KCNC4: variants seen among roughly 807,000 people sequenced by gnomAD.
The protein encoded by KCNC4 is voltage-gated potassium channel KCNC4.
Under a neutral mutation model 42.8 loss-of-function variants are expected in KCNC4, and 23 were observed. That is an observed-to-expected ratio of 0.54 (90% confidence interval 0.39 to 0.76). The LOEUF (loss-of-function observed/expected upper bound fraction) is 0.76. Ranked by LOEUF, KCNC4 falls within the 30% of genes least tolerant of loss-of-function variation. KCNC4 has a pLI of 0.00. For synonymous variants in KCNC4, 422 were observed against 393.5 expected, an observed-to-expected ratio of 1.07 and a Z score of -0.86; for missense variants, 751 against 898.2, an observed-to-expected ratio of 0.84 and a Z score of 2.10.
chr1:110,264,638 A>C (rs1659507266), intron 1 of KCNC4, among the ~76,000 whole-genome samples: 1 of 152,224 alleles, frequency 6.6e-6, no homozygotes, highest in South Asian at 2.1e-4. Context: ...GTTTTAAGCC[A>C]CTGTTACCTT....
chr1:110,249,731 T>TA (rs35435833), downstream of KCNC4, among the ~76,000 whole-genome samples: 90,889 of 152,070 alleles, frequency 0.6, 28,616 homozygotes, highest in Non-Finnish European at 0.71. Flanking sequence ...AGCATTGCTT[T>TA]AAAAAATTGT....
At chr1:110,267,732 A>C (rs1318501122) in intron 1 of KCNC4, among the ~76,000 whole-genome samples, 1 of 152,236 alleles carries the variant, frequency 6.6e-6, no homozygotes, top group African/African-American at 2.4e-5. Flanking sequence ...AATTATAAGT[A>C]ATGAGAGAAA....
chr1:110,246,680 CT>C (rs1235061104), exon 4 of KCNC4: 1 of 152,056 alleles, frequency 6.6e-6, no homozygotes, highest in Non-Finnish European at 1.5e-5. Context: ...GGGTTACACG[CT>C]TCCCTTTGCT....
Position 110,233,140 on chromosome 1 carries a change from G to T in KCNC4, c.*168G>T, listed in dbSNP as rs1571058779. The T allele has an allele frequency of 1.4e-6, 1 of 726,968 alleles. No individual in the cohort carries two copies. The highest frequency in any genetic ancestry group is 2.7e-5 in the East Asian group (1 of 37,158). 45.0% of individuals were successfully genotyped at this position (726,968 alleles called of 1,614,324 possible). A position where few individuals can be genotyped will look rare whatever the true frequency, so the allele number is the denominator to read the frequency against. On this transcript the variant is annotated 3_prime_UTR_variant, in exon 4 of 4. Coordinates refer to ENST00000438661, the MANE Select transcript of KCNC4 (RefSeq NM_001039574.3). ...GACCCTCGGGGCCCAGAGCCATCTG[G>T]GTCTGATGTTCTGTTCCATTGTACA...
intron 1 of KCNC4, among the ~76,000 whole-genome samples, chr1:110,273,825 T>C (rs577542943): frequency 3.3e-5 from 5 of 152,326 alleles, no homozygotes; most frequent in Admixed American, 6.5e-5. Flanking sequence ...TAGTTGTCTC[T>C]AAGTTCTCTG....
rs529085701 is a variant in KCNC4, at chr1:110,212,409, C to T, written c.678+232C>T. Among the ~76,000 whole-genome samples the T allele has an allele frequency of 4.6e-5, 7 of 152,276 alleles. No individual in the cohort carries two copies. The South Asian group carries it at 8.3e-4, about 18-fold the overall frequency. Reference sequence around the variant, plus strand: ...CACACACTTGACTTACTACTTGGACCCAGTCCCAGCTGCCTGCTTTGCCGC... The same window carrying T: ...CACACACTTGACTTACTACTTGGACTCAGTCCCAGCTGCCTGCTTTGCCGC... On this transcript the variant is annotated intron_variant, in intron 1 of 3. Transcript: ENST00000438661.
chr1:110,243,817 A>T (rs1036554058), exon 4 of KCNC4: 1 of 152,234 alleles, frequency 6.6e-6, no homozygotes, highest in Non-Finnish European at 1.5e-5. Context: ...GCAAACCCCA[A>T]ACGCTTTGTT....
rs1430504069 is a variant in KCNC4, at chr1:110,211,141, T to C, written c.-359T>C. 6.6e-6 allele frequency among the ~76,000 whole-genome samples: 1 copy of C among 152,206 alleles called. No homozygotes were observed. The highest frequency in any genetic ancestry group is 1.5e-5 in the Non-Finnish European group (1 of 68,044). On this transcript the variant is annotated 5_prime_UTR_variant, in exon 1 of 4. Transcript: ENST00000438661. The surrounding 1 kb of genome is among the most constrained non-coding windows in gnomAD (Gnocchi z 6.5). ...CGGTGCGCGTGGACTGTGCGCTTCCTCGTCTTTGGTCGGGGTGAAGGCGGG... is the reference window on the plus strand; with the variant it reads ...CGGTGCGCGTGGACTGTGCGCTTCCCCGTCTTTGGTCGGGGTGAAGGCGGG...
chr1:110,211,257 T>A lies in KCNC4; in HGVS notation c.-243T>A. On this transcript the variant is annotated 5_prime_UTR_variant, in exon 1 of 4. Coordinates refer to ENST00000438661, the MANE Select transcript of KCNC4 (RefSeq NM_001039574.3). The surrounding 1 kb of genome is among the most constrained non-coding windows in gnomAD (Gnocchi z 6.5). ...TCTACTTCCCCGGGTCCTCCCTCTCTGCGCCTCCCTCTCTCCGGAGCTTCC... is the reference window on the plus strand; with the variant it reads ...TCTACTTCCCCGGGTCCTCCCTCTCAGCGCCTCCCTCTCTCCGGAGCTTCC... The A allele has an allele frequency of 1.8e-6, 1 of 558,038 alleles. No homozygotes were observed. The highest frequency in any genetic ancestry group is 3.1e-6 in the Non-Finnish European group (1 of 318,894). 34.6% of individuals were successfully genotyped at this position (558,038 alleles called of 1,614,324 possible). A position where few individuals can be genotyped will look rare whatever the true frequency, so the allele number is the denominator to read the frequency against.
chr1:110,220,944 T>G (rs527690630), intron 1 of KCNC4: 1 of 152,352 alleles, frequency 6.6e-6, no homozygotes, highest in African/African-American at 2.4e-5. Flanking sequence ...AGTGTGTCTG[T>G]GTAATTGTTA....
intron 1 of KCNC4, among the ~76,000 whole-genome samples, chr1:110,218,349 C>T (rs968305485): frequency 3.9e-5 from 6 of 152,132 alleles, no homozygotes; most frequent in Non-Finnish European, 7.3e-5. Flanking sequence ...ACTACTCATC[C>T]CTTCTGCCTC....
At chr1:110,248,230 A>G (rs1300130398) in exon 4 of KCNC4, 2 of 152,234 alleles carry the variant, frequency 1.3e-5, no homozygotes, top group Non-Finnish European at 2.9e-5. Context: ...AATATTTTGA[A>G]TGTGTTAAAT....
At chr1:110,250,700 A>T (rs1659235492), downstream of KCNC4, among the ~76,000 whole-genome samples, 1 of 152,162 alleles carries the variant, frequency 6.6e-6, no homozygotes, top group Non-Finnish European at 1.5e-5. Flanking sequence ...ACAAACATGC[A>T]GTGGCACTTG....
Position 110,210,468 on chromosome 1 carries a change from A to G in KCNC4, c.-1032A>G, listed in dbSNP as rs1331000916. On this transcript the variant is annotated 5_prime_UTR_variant, in exon 1 of 4. Coordinates refer to ENST00000438661, the MANE Select transcript of KCNC4 (RefSeq NM_001039574.3). ...GCCGGCGCCCCGCCCGGAGATGGGC[A>G]GACGCGTAGATGGCGTGGCTCCCAG... 6.6e-6 allele frequency among the ~76,000 whole-genome samples: 1 copy of G among 151,088 alleles called. No homozygotes were observed. Among genetic ancestry groups the G allele is most frequent in the Non-Finnish European group, 1.5e-5 (1 of 67,686 alleles).
At chr1:110,247,731 T>C (rs1659181282) in exon 4 of KCNC4, 1 of 152,016 alleles carries the variant, frequency 6.6e-6, no homozygotes, top group African/African-American at 2.4e-5. Flanking sequence ...ATTTTTGTAT[T>C]TTTAGTAAAG....
At chr1:110,265,914 C>T (rs1659533404) in intron 1 of KCNC4, among the ~76,000 whole-genome samples, 1 of 152,188 alleles carries the variant, frequency 6.6e-6, no homozygotes, top group African/African-American at 2.4e-5. Context: ...ATTCTTTCAG[C>T]ACAGATAGAC....
Position 110,233,352 on chromosome 1 carries a change from T to G in KCNC4, c.*380T>G. ...TTCTGCTGACTGTGTGGGTGGAATG[T>G]CCCAAGAAAAGTGCATCTGGGAATT... On this transcript the variant is annotated 3_prime_UTR_variant, in exon 4 of 4. Transcript: ENST00000438661. 3.3e-6 allele frequency: 1 copy of G among 300,230 alleles called. No individual in the cohort carries two copies. Among genetic ancestry groups the G allele is most frequent in the South Asian group, 4.2e-5 (1 of 23,784 alleles). 18.6% of individuals were successfully genotyped at this position (300,230 alleles called of 1,614,324 possible).
At chr1:110,257,153 C>T (rs1659345630) in intron 1 of KCNC4, among the ~76,000 whole-genome samples, 1 of 152,168 alleles carries the variant, frequency 6.6e-6, no homozygotes, top group Admixed American at 6.5e-5. Context: ...CCTAATTAAA[C>T]AGTTATGGGT....
chr1:110,224,984 CAG>C (rs1437195666), intron 2 of KCNC4: 6 of 152,376 alleles, frequency 3.9e-5, no homozygotes, highest in Middle Eastern at 6.8e-3. Flanking sequence ...GGGGTCATGT[CAG>C]GGGCCTGGGT....
Sources: gnomAD v4.1 joint callset for allele counts (sites outside exome capture counted in the v4.1 genomes callset) on GRCh38, gnomAD v4.1.1 for gene constraint, Gnocchi (gnomAD v3.1) non-coding constraint, MANE v1.5 for transcripts, NCBI Gene and HGNC (gene_info 2026-07-23, HGNC 2026-07-21) for gene names.